The following ST7 variants were observed in gnomAD, a reference collection of about 807,000 sequenced individuals.
ST7 encodes the protein suppression of tumorigenicity 7.
In ST7, 28 loss-of-function variants were observed where a neutral mutation model predicts 78.7. The ratio of observed to expected loss-of-function variants is 0.36; its 90% confidence interval spans 0.26 to 0.49. ST7 has a LOEUF of 0.49. Ranked by LOEUF, ST7 falls within the 20% of genes least tolerant of loss-of-function variation. ST7 has a pLI of 0.99. For synonymous variants in ST7, 247 were observed against 249.6 expected (o/e 0.99, Z 0.10); for missense variants, 418 against 696.0 (o/e 0.60, Z 4.49).
At chr7:117,178,147 C>A (rs1009265025) in intron 10 of ST7, among the ~76,000 whole-genome samples, 3 of 151,970 alleles carry the variant, frequency 2.0e-5, no homozygotes, top group South Asian at 2.1e-4. Context: ...ATTCTTGGTA[C>A]TTCATAATTT....
At chr7:116,995,403 A>G (rs748914341) in intron 1 of ST7, among the ~76,000 whole-genome samples, 2 of 152,222 alleles carry the variant, frequency 1.3e-5, no homozygotes, top group Admixed American at 6.5e-5. Flanking sequence ...GAAAGGCATT[A>G]TTATTAACAC....
chr7:117,100,045 G>A (rs1801452705), intron 2 of ST7, among the ~76,000 whole-genome samples: 1 of 152,128 alleles, frequency 6.6e-6, no homozygotes, highest in South Asian at 2.1e-4. Flanking sequence ...AACAATTTAA[G>A]CAATCGTATA....
intron 1 of ST7, among the ~76,000 whole-genome samples, chr7:116,992,179 TG>T (rs1794462391): frequency 6.6e-6 from 1 of 152,190 alleles, no homozygotes; most frequent in South Asian, 2.1e-4. Context: ...TGGAGAACAG[TG>T]GCCCTCTTTT....
intron 1 of ST7, among the ~76,000 whole-genome samples, chr7:117,077,042 C>A (rs1210783228): frequency 1.3e-5 from 2 of 152,112 alleles, no homozygotes; most frequent in Non-Finnish European, 2.9e-5. Context: ...GAAAAGGGGA[C>A]AGGGGGCTAT....
chr7:117,142,180 T>C (rs1311705611), intron 9 of ST7, among the ~76,000 whole-genome samples: 1 of 152,072 alleles, frequency 6.6e-6, no homozygotes, highest in Non-Finnish European at 1.5e-5. Flanking sequence ...CTGGCCCTAT[T>C]TGAGTAGATT....
intron 1 of ST7, among the ~76,000 whole-genome samples, chr7:116,984,997 G>A (rs1794131466): frequency 6.6e-6 from 1 of 152,172 alleles, no homozygotes; most frequent in South Asian, 2.1e-4. Context: ...TTTATCCAGA[G>A]TAATTCTTTC....
rs1810938015 is a variant in ST7 at position 117,202,255 on chromosome 7, C to CTCT, written c.1255-7532_1255-7531insTCT. ...GGGATTACAGGCGTGAGCCACCGCGCCCGGCCTCGAAGCTATCTTGAGAGA... is the reference window on the plus strand; with the variant it reads ...GGGATTACAGGCGTGAGCCACCGCGCTCTCCGGCCTCGAAGCTATCTTGAGAGA... On this transcript the variant is annotated intron_variant, in intron 12 of 15. Transcript: ENST00000323984. Among the ~76,000 whole-genome samples, 3 of 20,504 alleles carry CTCT rather than the reference C, an allele frequency of 1.5e-4. 1 individual carries two copies. The highest frequency in any genetic ancestry group is 1.2e-4 in the African/African-American group (1 of 8,492). 13.5% of individuals were successfully genotyped at this position (20,504 alleles called of 152,430 possible).
chr7:117,089,102 A>T (rs1800388591), intron 1 of ST7, among the ~76,000 whole-genome samples: 1 of 152,194 alleles, frequency 6.6e-6, no homozygotes, highest in South Asian at 2.1e-4. Flanking sequence ...TCCTTTATGC[A>T]CACTCTGTCA....
chr7:116,957,871 A>G (rs1176007379), intron 1 of ST7, among the ~76,000 whole-genome samples: 2 of 152,258 alleles, frequency 1.3e-5, no homozygotes, highest in Non-Finnish European at 2.9e-5. Context: ...AAAGCAGCAT[A>G]AGTGATTTTC....
chr7:117,160,263 A>G (rs1165906710), intron 9 of ST7, among the ~76,000 whole-genome samples: 1 of 151,556 alleles, frequency 6.6e-6, no homozygotes, highest in Non-Finnish European at 1.5e-5. Context: ...AAGAAAGAAA[A>G]CAAAACTATT....
At chr7:116,985,683 G>A (rs1794160846) in intron 1 of ST7, among the ~76,000 whole-genome samples, 1 of 152,152 alleles carries the variant, frequency 6.6e-6, no homozygotes, top group Admixed American at 6.5e-5. Context: ...GATTGTGTGG[G>A]ATCAGAGGAA....
At chr7:117,096,067 CAAAAAAAAA>C (rs35970973) in intron 1 of ST7, among the ~76,000 whole-genome samples, 4 of 35,674 alleles carry the variant, frequency 1.1e-4, no homozygotes, top group Admixed American at 5.0e-4. Context: ...GATTCTGCCT[CAAAAAAAAA>C]AAAAAAAAAA....
chr7:117,135,868 C>T (rs1804747014), intron 7 of ST7, among the ~76,000 whole-genome samples: 1 of 152,128 alleles, frequency 6.6e-6, no homozygotes, highest in Non-Finnish European at 1.5e-5. Context: ...GAGCCCCATG[C>T]TCTTAACACT....
intron 1 of ST7, among the ~76,000 whole-genome samples, chr7:117,078,278 A>C (rs1449874302): frequency 6.6e-6 from 1 of 152,236 alleles, no homozygotes; most frequent in Non-Finnish European, 1.5e-5. Context: ...CTTGATGTTG[A>C]GAAGGTGCAG....
intron 1 of ST7, among the ~76,000 whole-genome samples, chr7:117,011,948 TAG>T (rs1245170615): frequency 1.3e-5 from 2 of 152,174 alleles, no homozygotes; most frequent in East Asian, 3.9e-4. Flanking sequence ...TCAGTGTTTA[TAG>T]AGTCTAGGCA....
intron 1 of ST7, among the ~76,000 whole-genome samples, chr7:117,004,470 G>A (rs1795075949): frequency 6.6e-6 from 1 of 152,100 alleles, no homozygotes; most frequent in African/African-American, 2.4e-5. Context: ...AGACCAGCCT[G>A]GCTAACATGG....
chr7:116,985,279 G>A (rs1794143217), intron 1 of ST7, among the ~76,000 whole-genome samples: 1 of 152,198 alleles, frequency 6.6e-6, no homozygotes, highest in Admixed American at 6.5e-5. Context: ...AAGAATTAAT[G>A]TGGGTAATAT....
At chr7:116,972,977 C>A in intron 1 of ST7, 7 of 805,268 alleles carry the variant, frequency 8.7e-6, no homozygotes, top group South Asian at 5.7e-5. Context: ...GCAGCCTCCT[C>A]TCCCTCACCC....
chr7:117,008,408 T>G (rs1054976496), intron 1 of ST7, among the ~76,000 whole-genome samples: 9 of 152,104 alleles, frequency 5.9e-5, no homozygotes, highest in African/African-American at 1.9e-4. Flanking sequence ...ATTACTTGTG[T>G]TCTACACTAT....
Sources: gnomAD v4.1 joint callset for allele counts (sites outside exome capture counted in the v4.1 genomes callset) on GRCh38, gnomAD v4.1.1 for gene constraint, MANE v1.5 for transcripts, NCBI Gene and HGNC (gene_info 2026-07-23, HGNC 2026-07-21) for gene names.